Variants in LRRC4C observed in about 807,000 individuals in gnomAD.
The protein encoded by LRRC4C is leucine-rich repeat-containing protein 4C.
A neutral mutation model predicts 33.6 loss-of-function variants in LRRC4C; 5 were observed. The ratio of observed to expected loss-of-function variants is 0.15; its 90% CI spans 0.08 to 0.31. The LOEUF (loss-of-function observed/expected upper bound fraction) is 0.31. Among genes scored for constraint, LRRC4C ranks in the 10% least tolerant of loss-of-function variants. LRRC4C has a pLI of 1.00. For missense variants in LRRC4C, 560 were observed against 796.7 expected (o/e 0.70, Z 3.58); for synonymous variants, 329 against 302.0 (o/e 1.09, Z -0.93).
In LRRC4C at chr11:40,199,795, A is replaced by G. The variant is rs566654819; in HGVS notation, c.-96+41724T>C. Among the ~76,000 whole-genome samples the G allele has an allele frequency of 1.6e-4, 24 of 152,278 alleles. No homozygotes were observed. In the East Asian group the frequency reaches 4.4e-3, roughly 28 times the overall value. On this transcript the variant is annotated intron_variant, in intron 5 of 6. Coordinates refer to ENST00000528697, the MANE Select transcript of LRRC4C (RefSeq NM_001258419.2). The stretch of plus-strand genomic sequence containing the variant: ...ATTTTCCTTGCAGAAAGCACAGGCT[A>G]TTACAGAATATGAGAATCAGCCTGT...
chr11:41,242,276 G>A (rs973207063), intron 1 of LRRC4C, among the ~76,000 whole-genome samples: 12 of 152,070 alleles, frequency 7.9e-5, no homozygotes, highest in South Asian at 2.1e-4. Context: ...GGACAACCAC[G>A]TTTTCAAAGC....
intron 1 of LRRC4C, among the ~76,000 whole-genome samples, chr11:41,133,703 G>GA (rs1565413754): frequency 6.6e-6 from 1 of 152,024 alleles, no homozygotes; most frequent in East Asian, 1.9e-4. Context: ...TACCAAATTG[G>GA]AAACAAGATC....
intron 1 of LRRC4C, among the ~76,000 whole-genome samples, chr11:41,174,883 C>G (rs980257069): frequency 9.9e-5 from 15 of 152,032 alleles, no homozygotes; most frequent in African/African-American, 3.6e-4. Context: ...CTTTCATAGT[C>G]TTAATGACAA....
chr11:40,924,598 A>C (rs1299235352), intron 2 of LRRC4C, among the ~76,000 whole-genome samples: 3 of 152,130 alleles, frequency 2.0e-5, no homozygotes, highest in African/African-American at 7.2e-5. Flanking sequence ...GGGTAACTAC[A>C]GTAAATAATT....
At chr11:40,879,388 C>G (rs1398703715) in intron 2 of LRRC4C, among the ~76,000 whole-genome samples, 1 of 152,114 alleles carries the variant, frequency 6.6e-6, no homozygotes, top group African/African-American at 2.4e-5. Context: ...AGCCACCCAA[C>G]TCATGGAAAG....
chr11:41,010,886 C>T (rs1565298187), intron 1 of LRRC4C, among the ~76,000 whole-genome samples: 2 of 152,062 alleles, frequency 1.3e-5, no homozygotes, highest in East Asian at 1.9e-4. Context: ...CCAAATGAGT[C>T]TTGGATGCTC....
intron 4 of LRRC4C, among the ~76,000 whole-genome samples, chr11:40,295,676 A>G (rs184456599): frequency 1.4e-4 from 22 of 152,222 alleles, no homozygotes; most frequent in Admixed American, 2.6e-4. Context: ...ATGTCAGTAC[A>G]TGCAAGAGGA....
chr11:40,137,323 T>C (rs1466921253), intron 6 of LRRC4C, among the ~76,000 whole-genome samples: 2 of 152,202 alleles, frequency 1.3e-5, no homozygotes, highest in African/African-American at 4.8e-5. Context: ...ACATCTCTGA[T>C]TGATACCTGG....
intron 1 of LRRC4C, among the ~76,000 whole-genome samples, chr11:41,209,883 T>C (rs1590941439): frequency 6.6e-6 from 1 of 151,658 alleles, no homozygotes; most frequent in East Asian, 1.9e-4. Flanking sequence ...TAAAAGGGGG[T>C]AATTAAGGTT....
chr11:40,763,695 T>G (rs925744229), intron 2 of LRRC4C, among the ~76,000 whole-genome samples: 1 of 152,100 alleles, frequency 6.6e-6, no homozygotes, highest in Admixed American at 6.5e-5. Flanking sequence ...CGGAATTCAG[T>G]GCTGCTCTGT....
intron 1 of LRRC4C, among the ~76,000 whole-genome samples, chr11:41,441,381 C>T (rs1955613699): frequency 6.6e-6 from 1 of 152,034 alleles, no homozygotes; most frequent in South Asian, 2.1e-4. Context: ...ACAATAGGGA[C>T]TTCCTCTGGA....
intron 1 of LRRC4C, among the ~76,000 whole-genome samples, chr11:41,248,562 G>A (rs544428032): frequency 1.3e-5 from 2 of 152,024 alleles, no homozygotes; most frequent in Non-Finnish European, 2.9e-5. Flanking sequence ...GGTCTTGGTT[G>A]GATCTGCCCC....
At chr11:40,817,799 G>C (rs1951766306) in intron 2 of LRRC4C, among the ~76,000 whole-genome samples, 1 of 152,092 alleles carries the variant, frequency 6.6e-6, no homozygotes, top group Non-Finnish European at 1.5e-5. Flanking sequence ...CTCACTGCCA[G>C]TGCCTTAGGT....
At chr11:40,565,644 T>G (rs1472202095) in intron 3 of LRRC4C, among the ~76,000 whole-genome samples, 2 of 152,158 alleles carry the variant, frequency 1.3e-5, no homozygotes, top group Non-Finnish European at 2.9e-5. Flanking sequence ...AAGACTCTTT[T>G]GGCCTGTCTC....
At chr11:40,320,798 A>G (rs774070576) in intron 3 of LRRC4C, among the ~76,000 whole-genome samples, 1 of 152,164 alleles carries the variant, frequency 6.6e-6, no homozygotes, top group African/African-American at 2.4e-5. Context: ...GTATGTTTTG[A>G]TATGGGTAGA....
chr11:40,954,746 C>T (rs996814786), intron 1 of LRRC4C, among the ~76,000 whole-genome samples: 4 of 151,728 alleles, frequency 2.6e-5, no homozygotes, highest in Non-Finnish European at 4.4e-5. Context: ...TTCTGGGTTT[C>T]GCCTTTTGAA....
chr11:41,205,525 G>C (rs949547719), intron 1 of LRRC4C, among the ~76,000 whole-genome samples: 1 of 152,138 alleles, frequency 6.6e-6, no homozygotes, highest in Non-Finnish European at 1.5e-5. Context: ...ACCAGTGATT[G>C]TAGCTTCTAA....
At chr11:40,958,617 G>T (rs1427247304) in intron 1 of LRRC4C, among the ~76,000 whole-genome samples, 1 of 151,722 alleles carries the variant, frequency 6.6e-6, no homozygotes. Flanking sequence ...AAGGAAAATT[G>T]TAAAATGTAA....
intron 4 of LRRC4C, among the ~76,000 whole-genome samples, chr11:40,278,980 C>G (rs1943295918): frequency 6.6e-6 from 1 of 152,036 alleles, no homozygotes; most frequent in Admixed American, 6.6e-5. Flanking sequence ...TGGGACAAAA[C>G]TGTGGAAATT....
Sources: allele counts gnomAD v4.1 joint callset (sites outside exome capture counted in the v4.1 genomes callset), GRCh38; gene constraint gnomAD v4.1.1; transcripts MANE v1.5; gene names NCBI Gene and HGNC (gene_info 2026-07-23, HGNC 2026-07-21).